Variants in GBE1 observed in about 807,000 individuals in gnomAD.
GBE1 encodes the protein 1,4-alpha-glucan branching enzyme 1.
GBE1 carries 70 observed loss-of-function variants against 88.8 expected under a neutral mutation model. That is an observed-to-expected ratio of 0.79 (90% CI 0.65 to 0.96). The LOEUF (loss-of-function observed/expected upper bound fraction) is 0.96, where lower values mean the gene tolerates loss of function less well. Ranked by LOEUF, GBE1 falls within the 40% of genes least tolerant of loss-of-function variation. The probability of loss-of-function intolerance (pLI) is 0.00; values close to 1 mark genes in which losing one functional copy is unlikely to be tolerated. For synonymous variants in GBE1, 284 were observed against 300.1 expected (o/e 0.95, Z 0.56); for missense variants, 872 against 871.0 (o/e 1.00, Z -0.01).
chr3:81,576,382 A>G (rs1310032441), intron 12 of GBE1, among the ~76,000 whole-genome samples: 1 of 152,222 alleles, frequency 6.6e-6, no homozygotes, highest in Non-Finnish European at 1.5e-5. Flanking sequence ...CTACAGATAC[A>G]TAAGGATTTC....
In GBE1 at chr3:81,581,288, G is replaced by A. The variant is rs768705759; in HGVS notation, c.1336-13C>T. On this transcript the variant is annotated splice_polypyrimidine_tract_variant and intron_variant, in intron 10 of 15. Transcript: ENST00000429644. Reference sequence around the variant, plus strand: ...ACTCTTTAAGTAGCTAGACACAAGAGAGAAAAATAAGCTTCTGAGTAAAGC... The same window carrying A: ...ACTCTTTAAGTAGCTAGACACAAGAAAGAAAAATAAGCTTCTGAGTAAAGC... The A allele has an allele frequency of 9.3e-6, 13 of 1,402,400 alleles. No individual in the cohort carries two copies. In the African/African-American group the frequency reaches 1.7e-4, roughly 19 times the overall value. The allele number at this position is 1,402,400 out of a possible 1,614,324, so 86.9% of individuals were successfully genotyped here.
chr3:81,742,015 T>C (rs895091410), intron 1 of GBE1, among the ~76,000 whole-genome samples: 3 of 151,738 alleles, frequency 2.0e-5, no homozygotes, highest in Non-Finnish European at 4.4e-5. Context: ...TGCCTTAAAA[T>C]AAGACAGCAA....
At chr3:81,668,448 G>A (rs1221588071) in intron 3 of GBE1, among the ~76,000 whole-genome samples, 2 of 152,188 alleles carry the variant, frequency 1.3e-5, no homozygotes, top group Admixed American at 6.5e-5. Flanking sequence ...GGGTGAGCCA[G>A]TAATAAAAGT....
intron 3 of GBE1, among the ~76,000 whole-genome samples, chr3:81,657,958 C>T (rs1704966454): frequency 6.6e-6 from 1 of 152,032 alleles, no homozygotes; most frequent in South Asian, 2.1e-4. Context: ...CAAGACTGGA[C>T]ACTACACAGG....
intron 1 of GBE1, among the ~76,000 whole-genome samples, chr3:81,708,852 A>G (rs1243852630): frequency 6.6e-6 from 1 of 152,156 alleles, no homozygotes; most frequent in African/African-American, 2.4e-5. Flanking sequence ...GGTAGGGCAA[A>G]ATGTGCTGAT....
At chr3:81,510,026 A>G (rs946932447) in intron 14 of GBE1, among the ~76,000 whole-genome samples, 44 of 152,124 alleles carry the variant, frequency 2.9e-4, no homozygotes, top group Non-Finnish European at 5.9e-4. Context: ...CTTAGTTGAC[A>G]TGGATACATG....
chr3:81,676,546 G>A (rs751707173), intron 2 of GBE1, among the ~76,000 whole-genome samples: 2 of 151,938 alleles, frequency 1.3e-5, no homozygotes, highest in Non-Finnish European at 2.9e-5. Flanking sequence ...AAAATATAAT[G>A]TATATAAACA....
intron 1 of GBE1, among the ~76,000 whole-genome samples, chr3:81,712,860 A>G (rs1477562964): frequency 6.6e-6 from 1 of 152,164 alleles, no homozygotes; most frequent in African/African-American, 2.4e-5. Flanking sequence ...AAAAGACTGC[A>G]TGTGTCTCAC....
chr3:81,560,343 ATT>A (rs1703400176), intron 12 of GBE1, among the ~76,000 whole-genome samples: 1 of 152,032 alleles, frequency 6.6e-6, no homozygotes, highest in Non-Finnish European at 1.5e-5. Context: ...TAAAAATCAT[ATT>A]GGAATAATCT....
chr3:81,630,974 G>A (rs569838008), intron 7 of GBE1, among the ~76,000 whole-genome samples: 1 of 152,278 alleles, frequency 6.6e-6, no homozygotes, highest in East Asian at 1.9e-4. Context: ...AGGCTGAAGT[G>A]GGAGGATCAC....
intron 2 of GBE1, among the ~76,000 whole-genome samples, chr3:81,676,367 A>G (rs1008128225): frequency 6.6e-6 from 1 of 152,036 alleles, no homozygotes; most frequent in Non-Finnish European, 1.5e-5. Context: ...TTGGGGTGGC[A>G]TATTAATGTT....
rs1703317890 is a variant in GBE1 at position 81,554,297 on chromosome 3, A to G, written c.1619-17202T>C. 2.6e-5 allele frequency among the ~76,000 whole-genome samples: 4 copies of G among 152,242 alleles called. No individual in the cohort carries two copies. In the South Asian group the frequency reaches 8.3e-4, roughly 32 times the overall value. The stretch of plus-strand genomic sequence containing the variant: ...ATGGAGAACCTTGTAAAAATGTATA[A>G]ATGTTTTGCATGTGAATAAGGCACC... On this transcript the variant is annotated intron_variant, in intron 12 of 15. Coordinates refer to ENST00000429644, the MANE Select transcript of GBE1 (RefSeq NM_000158.4).
At chr3:81,619,765 T>C (rs1704299955) in intron 7 of GBE1, among the ~76,000 whole-genome samples, 1 of 152,092 alleles carries the variant, frequency 6.6e-6, no homozygotes, top group South Asian at 2.1e-4. Context: ...GAATTATCAC[T>C]TTTCAAAAAT....
intron 12 of GBE1, among the ~76,000 whole-genome samples, chr3:81,574,618 T>A (rs945158414): frequency 2.6e-5 from 4 of 152,182 alleles, no homozygotes; most frequent in East Asian, 3.9e-4. Context: ...TCATTACAAT[T>A]TTTCTCAAAT....
intron 2 of GBE1, among the ~76,000 whole-genome samples, chr3:81,675,056 G>A (rs954739529): frequency 2.0e-5 from 3 of 151,926 alleles, no homozygotes; most frequent in Non-Finnish European, 4.4e-5. Flanking sequence ...GATCTTTGGT[G>A]AGGCCTAATA....
chr3:81,628,902 AC>A (rs1401940213), intron 7 of GBE1, among the ~76,000 whole-genome samples: 5 of 149,926 alleles, frequency 3.3e-5, no homozygotes, highest in African/African-American at 1.2e-4. Context: ...AGAGGTAAAA[AC>A]AAGCCAAAAT....
rs1200487148 is a variant in GBE1 at position 81,668,645 on chromosome 3, T to C, written c.429+2193A>G. Among the ~76,000 whole-genome samples, 28 of 152,158 alleles carry C rather than the reference T, an allele frequency of 1.8e-4. 1 individual carries two copies. The highest frequency in any genetic ancestry group is 1.8e-3 in the Admixed American group (28 of 15,272). Reference sequence around the variant, plus strand: ...TTATCTTTTAATAGATGATGCTGGGTCTAGTAATGAGGTAATGAGTGTTTA... The same window carrying C: ...TTATCTTTTAATAGATGATGCTGGGCCTAGTAATGAGGTAATGAGTGTTTA... On this transcript the variant is annotated intron_variant, in intron 3 of 15. Transcript: ENST00000429644.
intron 10 of GBE1, among the ~76,000 whole-genome samples, chr3:81,584,840 G>A (rs1338228151): frequency 1.3e-5 from 2 of 151,420 alleles, no homozygotes; most frequent in Admixed American, 6.6e-5. Context: ...ATAATTCTAG[G>A]TTGACGTACA....
At chr3:81,530,434 A>G (rs1217100442) in intron 14 of GBE1, among the ~76,000 whole-genome samples, 1 of 151,890 alleles carries the variant, frequency 6.6e-6, no homozygotes, top group Non-Finnish European at 1.5e-5. Context: ...TATTTATTGT[A>G]GCCTTCATGG....
Sources: allele counts gnomAD v4.1 joint callset (sites outside exome capture counted in the v4.1 genomes callset), GRCh38; gene constraint gnomAD v4.1.1; transcripts MANE v1.5; gene names NCBI Gene and HGNC (gene_info 2026-07-23, HGNC 2026-07-21).